KCNN3: variants seen among roughly 807,000 people sequenced by gnomAD.
The protein encoded by KCNN3 is small conductance calcium-activated potassium channel protein 3.
KCNN3 carries 16 observed loss-of-function variants against 62.9 expected under a neutral mutation model. The observed-to-expected ratio is 0.25, with a 90% confidence interval of 0.17 to 0.39. The LOEUF (loss-of-function observed/expected upper bound fraction) is 0.39, where lower values mean the gene tolerates loss of function less well. Ranked by LOEUF, KCNN3 falls within the 10% of genes least tolerant of loss-of-function variation. The probability of loss-of-function intolerance (pLI) is 1.00; values close to 1 mark genes in which losing one functional copy is unlikely to be tolerated. For synonymous variants in KCNN3, 370 were observed against 389.2 expected, an observed-to-expected ratio of 0.95 and a Z score of 0.58; for missense variants, 599 against 949.4, an observed-to-expected ratio of 0.63 and a Z score of 4.85.
chr1:154,772,979 C>T lies in KCNN3; in HGVS notation c.1030-586G>A, dbSNP rs12047201. ...TTATGTCGGTGTAATGAAACCTCCA[C>T]AAAATCCCAAAAAGACAGTGTTTTG... On this transcript the variant is annotated intron_variant, in intron 2 of 7. Transcript: ENST00000271915. The surrounding 1 kb of genome is among the most constrained non-coding windows in gnomAD (Gnocchi z 5.6). Among the ~76,000 whole-genome samples the T allele has an allele frequency of 0.37, 56,624 of 151,964 alleles. 10,752 individuals are homozygous for T. The highest frequency in any genetic ancestry group is 0.51 in the Middle Eastern group (149 of 294).
intron 2 of KCNN3, among the ~76,000 whole-genome samples, chr1:154,779,797 C>T (rs886213337): frequency 1.3e-5 from 2 of 152,182 alleles, no homozygotes; most frequent in South Asian, 2.1e-4. Flanking sequence ...GGACGGCCAG[C>T]GAGGGATAGT....
At position 154,737,215 on chromosome 1, in the gene KCNN3, G is replaced by A. The variant is rs751979254; in HGVS notation, c.1449-4071C>T. On this transcript the variant is annotated intron_variant, in intron 3 of 7. Coordinates refer to ENST00000271915, the MANE Select transcript of KCNN3 (RefSeq NM_002249.6). ...TTTGCAATAGAAAATTTGGGGGGGG[G>A]GGATAGCTCCATGTTTTTCTTTAAA... 4.3e-5 allele frequency: 11 copies of A among 256,786 alleles called. 3 individuals carry two copies. Among genetic ancestry groups the A allele is most frequent in the Non-Finnish European group, 8.0e-5 (10 of 125,070 alleles). 15.9% of individuals were successfully genotyped at this position (256,786 alleles called of 1,614,324 possible).
chr1:154,714,555 T>TGGTGTGTGTGG (rs1700185924), intron 6 of KCNN3, among the ~76,000 whole-genome samples: 10 of 72,044 alleles, frequency 1.4e-4, no homozygotes, highest in Non-Finnish European at 2.7e-4. Flanking sequence ...TGTGTGTGTG[T>TGGTGTGTGTGG]GGTGTGTGTG....
intron 2 of KCNN3, among the ~76,000 whole-genome samples, chr1:154,810,470 G>A (rs1571299083): frequency 1.3e-5 from 2 of 152,258 alleles, no homozygotes; most frequent in South Asian, 2.1e-4. Context: ...GGATCAGAAG[G>A]CAAGGCAGAG....
At position 154,859,055 on chromosome 1, in the gene KCNN3, C is replaced by T. The variant is rs559763775; in HGVS notation, c.933+9977G>A. The stretch of plus-strand genomic sequence containing the variant: ...CCTCCCCTGCATCCTCCACCAATGC[C>T]ATCCAGCTCTGAGCCCTCCAAAGGC... On this transcript the variant is annotated intron_variant, in intron 1 of 7. Transcript: ENST00000271915. Among the ~76,000 whole-genome samples, 6 of 152,334 alleles carry T rather than the reference C, an allele frequency of 3.9e-5. No homozygotes were observed. The South Asian group carries it at 1.2e-3, about 32-fold the overall frequency.
In KCNN3 at chr1:154,809,611, G is replaced by A. The variant is rs1392430407; in HGVS notation, c.1029+12478C>T. ...TTATACTCAGGCTCATCACATGTGG[G>A]AGGGCAGGAAGCTGGGAGGCCCCCA... On this transcript the variant is annotated intron_variant, in intron 2 of 7. Coordinates refer to ENST00000271915, the MANE Select transcript of KCNN3 (RefSeq NM_002249.6). The surrounding 1 kb of genome is among the most constrained non-coding windows in gnomAD (Gnocchi z 4.3). 6.6e-6 allele frequency among the ~76,000 whole-genome samples: 1 copy of A among 152,210 alleles called. No homozygotes were observed. Among genetic ancestry groups the A allele is most frequent in the Non-Finnish European group, 1.5e-5 (1 of 68,052 alleles).
rs990439060 is a variant in KCNN3 at position 154,700,834 on chromosome 1, A to C, written c.*7142T>G. On this transcript the variant is annotated 3_prime_UTR_variant, in exon 8 of 8. Transcript: ENST00000271915. The stretch of plus-strand genomic sequence containing the variant: ...ATAATAATAATAATTTTAAAAAAGA[A>C]AAAATCATTTAGTAGCAAAAAAAAG... The C allele has an allele frequency of 2.6e-5, 4 of 152,148 alleles. No individual in the cohort carries two copies. Among genetic ancestry groups the C allele is most frequent in the African/African-American group, 9.7e-5 (4 of 41,436 alleles). 9.4% of individuals were successfully genotyped at this position (152,148 alleles called of 1,614,324 possible).
At chr1:154,769,129 G>A (rs1648433816) in intron 3 of KCNN3, among the ~76,000 whole-genome samples, 1 of 151,920 alleles carries the variant, frequency 6.6e-6, no homozygotes, top group South Asian at 2.1e-4. Context: ...CATCCATGTA[G>A]TGGATGACAT....
intron 2 of KCNN3, among the ~76,000 whole-genome samples, chr1:154,774,541 G>A (rs886701535): frequency 3.3e-5 from 5 of 152,216 alleles, no homozygotes; most frequent in African/African-American, 2.4e-5. Context: ...GCATATGTTC[G>A]GTGTGGGCCT....
chr1:154,739,882 A>C (rs6697935), intron 3 of KCNN3, among the ~76,000 whole-genome samples: 93,406 of 152,152 alleles, frequency 0.61, 29,107 homozygotes, highest in East Asian at 0.81. Context: ...TCTTTAAGTC[A>C]AGCCTTGAGG....
At chr1:154,797,536 C>T (rs577646209) in intron 2 of KCNN3, among the ~76,000 whole-genome samples, 15 of 152,290 alleles carry the variant, frequency 9.8e-5, no homozygotes, top group African/African-American at 3.1e-4. Context: ...TGCCACATTC[C>T]GTTCTTTGTC....
intron 1 of KCNN3, among the ~76,000 whole-genome samples, chr1:154,826,382 A>G (rs1651132744): frequency 1.3e-5 from 2 of 152,218 alleles, no homozygotes; most frequent in South Asian, 4.1e-4. Flanking sequence ...ATAGGGGCCT[A>G]CCATGCAAGG....
intron 1 of KCNN3, among the ~76,000 whole-genome samples, chr1:154,829,916 T>C (rs11264271): frequency 0.15 from 23,228 of 152,134 alleles, 2,997 homozygotes; most frequent in East Asian, 0.67. Context: ...TTTCACCATC[T>C]GACCCCATTT....
chr1:154,810,587 C>T (rs1243579319), intron 2 of KCNN3, among the ~76,000 whole-genome samples: 3 of 152,106 alleles, frequency 2.0e-5, no homozygotes, highest in Non-Finnish European at 4.4e-5. Context: ...AAGCCTTGGA[C>T]CCAAGGGGAG....
At chr1:154,788,024 G>A (rs989654411) in intron 2 of KCNN3, among the ~76,000 whole-genome samples, 1 of 152,220 alleles carries the variant, frequency 6.6e-6, no homozygotes, top group Non-Finnish European at 1.5e-5. Flanking sequence ...AGGCAAGAGA[G>A]GGGCATGCTA....
chr1:154,774,675 C>T (rs1019462692), intron 2 of KCNN3, among the ~76,000 whole-genome samples: 2 of 152,232 alleles, frequency 1.3e-5, no homozygotes, highest in Non-Finnish European at 2.9e-5. Context: ...CATCCACGAA[C>T]ACATCCCACT....
intron 5 of KCNN3, among the ~76,000 whole-genome samples, chr1:154,722,167 T>C (rs1254597707): frequency 1.3e-5 from 2 of 152,116 alleles, no homozygotes; most frequent in African/African-American, 2.4e-5. Flanking sequence ...CTAGAACAAT[T>C]TGAGTATTTT....
chr1:154,715,773 G>A (rs532598804), intron 5 of KCNN3, among the ~76,000 whole-genome samples: 137 of 152,260 alleles, frequency 9.0e-4, no homozygotes, highest in Non-Finnish European at 1.5e-3. Flanking sequence ...GCAGACTTCC[G>A]AGCTTTGCCT....
At chr1:154,835,627 G>A (rs1651556255) in intron 1 of KCNN3, among the ~76,000 whole-genome samples, 1 of 152,222 alleles carries the variant, frequency 6.6e-6, no homozygotes, top group South Asian at 2.1e-4. Flanking sequence ...TCACGGCCAT[G>A]TGCCTTGCTT....
Sources: allele counts gnomAD v4.1 joint callset (sites outside exome capture counted in the v4.1 genomes callset), GRCh38; gene constraint gnomAD v4.1.1; non-coding constraint Gnocchi (gnomAD v3.1); transcripts MANE v1.5; gene names NCBI Gene and HGNC (gene_info 2026-07-23, HGNC 2026-07-21).